The following C7orf78 variants were observed in gnomAD, a reference collection of about 807,000 sequenced individuals.
C7orf78 encodes chromosome 7 open reading frame 78.
At chr7:12,535,127 G>C in the C7orf78 span, among the ~76,000 whole-genome samples, 1 of 152,144 alleles carries the variant, frequency 6.6e-6, no homozygotes, top group African/African-American at 2.4e-5. Context: ...GACTACTATT[G>C]CACACCCACC....
chr7:12,486,166 T>A, the C7orf78 span, among the ~76,000 whole-genome samples: 1 of 152,108 alleles, frequency 6.6e-6, no homozygotes, highest in Non-Finnish European at 1.5e-5. Flanking sequence ...GATATAATCT[T>A]GAATAAGTTA....
the C7orf78 span, among the ~76,000 whole-genome samples, chr7:12,501,454 T>C: frequency 2.0e-5 from 3 of 152,004 alleles, no homozygotes; most frequent in Non-Finnish European, 4.4e-5. Flanking sequence ...AACAGAGAGC[T>C]AAATCATGAG....
At chr7:12,522,382 C>T in the C7orf78 span, among the ~76,000 whole-genome samples, 2 of 151,922 alleles carry the variant, frequency 1.3e-5, no homozygotes, top group African/African-American at 4.8e-5. Context: ...AGCTGGTCAG[C>T]AAAAAAGCAA....
the C7orf78 span, among the ~76,000 whole-genome samples, chr7:12,490,769 A>AT: frequency 9.9e-4 from 147 of 148,886 alleles, no homozygotes; most frequent in African/African-American, 2.7e-3. Context: ...TTGCAATCAG[A>AT]TTTTTTTTTT....
chr7:12,525,466 T>C, the C7orf78 span, among the ~76,000 whole-genome samples: 1 of 152,118 alleles, frequency 6.6e-6, no homozygotes, highest in Non-Finnish European at 1.5e-5. Context: ...AAGTTTAAGA[T>C]TAGGTTGCTA....
At chr7:12,537,285 G>T in the C7orf78 span, among the ~76,000 whole-genome samples, 7 of 152,292 alleles carry the variant, frequency 4.6e-5, no homozygotes, top group Middle Eastern at 3.4e-3. Flanking sequence ...GAGAGCTTTT[G>T]CAGGGAAACT....
the C7orf78 span, among the ~76,000 whole-genome samples, chr7:12,523,922 T>C: frequency 6.6e-6 from 1 of 152,160 alleles, no homozygotes; most frequent in Non-Finnish European, 1.5e-5. Flanking sequence ...ATGAAGTATA[T>C]GGAGATGCAG....
chr7:12,530,268 T>C, the C7orf78 span: 8 of 152,042 alleles, frequency 5.3e-5, no homozygotes, highest in African/African-American at 1.9e-4. Context: ...GATGTGGAGG[T>C]CTCTTCTCAG....
chr7:12,539,337 A>C, the C7orf78 span, among the ~76,000 whole-genome samples: 1 of 152,044 alleles, frequency 6.6e-6, no homozygotes, highest in Non-Finnish European at 1.5e-5. Flanking sequence ...GGTGGCACGC[A>C]CCTGTAGTCC....
At chr7:12,516,007 C>A in the C7orf78 span, among the ~76,000 whole-genome samples, 3 of 152,190 alleles carry the variant, frequency 2.0e-5, 1 homozygote, top group Non-Finnish European at 4.4e-5. Flanking sequence ...TTCAACCTGG[C>A]TGCAGAAATT....
At chr7:12,519,634 A>G in the C7orf78 span, among the ~76,000 whole-genome samples, 1 of 152,188 alleles carries the variant, frequency 6.6e-6, no homozygotes, top group South Asian at 2.1e-4. Flanking sequence ...CCAGAAAGAA[A>G]GCTCATCAGC....
the C7orf78 span, among the ~76,000 whole-genome samples, chr7:12,493,453 G>A: frequency 1.3e-5 from 2 of 152,176 alleles, no homozygotes; most frequent in African/African-American, 2.4e-5. Context: ...TCCCCTGGAA[G>A]GCTTGTGAAA....
chr7:12,538,002 T>A, the C7orf78 span, among the ~76,000 whole-genome samples: 10 of 152,160 alleles, frequency 6.6e-5, no homozygotes, highest in African/African-American at 2.4e-4. Flanking sequence ...GAAGTTGGCT[T>A]CCTTTGGTTT....
the C7orf78 span, among the ~76,000 whole-genome samples, chr7:12,518,330 G>A: frequency 6.6e-6 from 1 of 152,122 alleles, no homozygotes; most frequent in African/African-American, 2.4e-5. Context: ...GTCCAGTTGA[G>A]CCAATTATCA....
the C7orf78 span, among the ~76,000 whole-genome samples, chr7:12,492,981 T>A: frequency 6.6e-6 from 1 of 152,168 alleles, no homozygotes; most frequent in African/African-American, 2.4e-5. Flanking sequence ...GGTGGGTGGA[T>A]AACTTGAGCC....
At chr7:12,523,028 A>G in the C7orf78 span, 2 of 398,254 alleles carry the variant, frequency 5.0e-6, no homozygotes, top group Non-Finnish European at 4.4e-6. Flanking sequence ...GAGAGGCACA[A>G]GAGATAGGGA....
chr7:12,505,348 A>G, the C7orf78 span, among the ~76,000 whole-genome samples: 2 of 152,128 alleles, frequency 1.3e-5, no homozygotes, highest in South Asian at 2.1e-4. Flanking sequence ...GAGTTTGTAG[A>G]GATAGAAATC....
the C7orf78 span, among the ~76,000 whole-genome samples, chr7:12,534,962 G>A: frequency 0.043 from 6,175 of 144,100 alleles, 465 homozygotes; most frequent in African/African-American, 0.15. Context: ...AAGGGAGGGA[G>A]GGAAGAAGGA....
the C7orf78 span, among the ~76,000 whole-genome samples, chr7:12,493,660 T>C: frequency 6.6e-6 from 1 of 152,250 alleles, no homozygotes; most frequent in East Asian, 1.9e-4. Flanking sequence ...GTTTGCCTCC[T>C]GACCCAGCTG....
Sources: allele counts gnomAD v4.1 joint callset (sites outside exome capture counted in the v4.1 genomes callset), GRCh38; gene constraint gnomAD v4.1.1; transcripts MANE v1.5; gene names NCBI Gene and HGNC (gene_info 2026-07-23, HGNC 2026-07-21).